Variants in SPATA16 observed in about 807,000 individuals in gnomAD.
SPATA16 encodes spermatogenesis-associated protein 16.
A neutral mutation model predicts 63.3 loss-of-function variants in SPATA16; 36 were observed. The observed-to-expected ratio is 0.57, with a 90% CI of 0.44 to 0.75. The LOEUF (loss-of-function observed/expected upper bound fraction) is 0.75, where lower values mean the gene tolerates loss of function less well. SPATA16 is among the 30% of genes least tolerant of loss of function. The pLI, the probability that SPATA16 is intolerant of heterozygous loss-of-function variation, is 0.00. For synonymous variants in SPATA16, 203 were observed against 216.7 expected (o/e 0.94, Z 0.56); for missense variants, 646 against 679.3 (o/e 0.95, Z 0.54).
At chr3:173,026,470 A>G (rs1735456111) in intron 3 of SPATA16, among the ~76,000 whole-genome samples, 1 of 151,902 alleles carries the variant, frequency 6.6e-6, no homozygotes, top group South Asian at 2.1e-4. Flanking sequence ...TTTCTTTTAT[A>G]GTTTATACCT....
chr3:172,994,873 G>C (rs1274604045), intron 4 of SPATA16, among the ~76,000 whole-genome samples: 1 of 151,992 alleles, frequency 6.6e-6, no homozygotes, highest in Non-Finnish European at 1.5e-5. Flanking sequence ...CTTATGTTAG[G>C]CAGTTAGAAT....
At chr3:173,073,849 C>G (rs1033276186) in intron 2 of SPATA16, among the ~76,000 whole-genome samples, 1 of 152,206 alleles carries the variant, frequency 6.6e-6, no homozygotes, top group African/African-American at 2.4e-5. Flanking sequence ...GGAAAAGCTG[C>G]AGACACTCAA....
At chr3:173,136,018 A>G (rs915113107) in intron 1 of SPATA16, among the ~76,000 whole-genome samples, 8 of 152,240 alleles carry the variant, frequency 5.3e-5, no homozygotes, top group African/African-American at 1.9e-4. Context: ...GTTTTGCCTA[A>G]ACACATGCCC....
chr3:173,125,028 T>A (rs2108343271), intron 1 of SPATA16, among the ~76,000 whole-genome samples: 1 of 152,284 alleles, frequency 6.6e-6, no homozygotes, highest in African/African-American at 2.4e-5. Context: ...ACATTATACA[T>A]CTTAAATTAT....
intron 4 of SPATA16, among the ~76,000 whole-genome samples, chr3:173,008,983 C>T (rs909872109): frequency 6.6e-6 from 1 of 152,134 alleles, no homozygotes. Context: ...AAGTTTTTAG[C>T]AAACTTTAAA....
At chr3:173,068,831 C>G (rs1053710341) in intron 2 of SPATA16, among the ~76,000 whole-genome samples, 1 of 124,002 alleles carries the variant, frequency 8.1e-6, no homozygotes, top group Non-Finnish European at 1.7e-5. Flanking sequence ...AAAAAAAAGG[C>G]CGGGCGTGGT....
intron 3 of SPATA16, among the ~76,000 whole-genome samples, chr3:173,037,278 G>A (rs1385321437): frequency 6.6e-6 from 1 of 151,924 alleles, no homozygotes; most frequent in Non-Finnish European, 1.5e-5. Flanking sequence ...ACTTCTCGAT[G>A]TTATTTTCAC....
intron 6 of SPATA16, among the ~76,000 whole-genome samples, chr3:172,954,449 CA>C (rs1733523800): frequency 6.6e-6 from 1 of 152,126 alleles, no homozygotes; most frequent in Non-Finnish European, 1.5e-5. Context: ...GAGACACAGC[CA>C]AAAGACATCA....
chr3:172,913,725 T>A lies in SPATA16; in HGVS notation c.1523A>T (p.Asp508Val). ...TCTTCCTTCAAGGGTGTCCATAGCA[T>A]CTGCCATTAGTGACTGCAGCTGTGG... is the stretch of plus-strand genomic sequence containing the variant. ...EAELLQSLMA[D>V]AMDTLEGRRN... Residue 508 changes from aspartate to valine, a missense_variant, in exon 10 of 11, where the codon GAT becomes GTT. Transcript: ENST00000351008. 2 of 1,613,788 alleles carry A rather than the reference T, an allele frequency of 1.2e-6. No individual in the cohort carries two copies. The highest frequency in any genetic ancestry group is 2.2e-5 in the East Asian group (1 of 44,858).
Position 172,902,898 on chromosome 3 carries a change from C to T in SPATA16, c.1587+10763G>A, listed in dbSNP as rs538921916. Among the ~76,000 whole-genome samples, 5 of 152,250 alleles carry T rather than the reference C, an allele frequency of 3.3e-5. No homozygotes were observed. In the South Asian group the frequency reaches 8.3e-4, roughly 25 times the overall value. ...ATCATAATCAGAAGGATAAATGATC[C>T]ATGTCTTCCTTTAGAGCTGCATGTA... On this transcript the variant is annotated intron_variant, in intron 10 of 10. Transcript: ENST00000351008.
chr3:172,964,446 G>A (rs1733861539), intron 5 of SPATA16, among the ~76,000 whole-genome samples: 1 of 152,158 alleles, frequency 6.6e-6, no homozygotes, highest in Non-Finnish European at 1.5e-5. Flanking sequence ...TCTTTAGGAT[G>A]CCACAGAGCT....
At chr3:173,031,942 A>G (rs1166892516) in intron 3 of SPATA16, among the ~76,000 whole-genome samples, 14 of 152,146 alleles carry the variant, frequency 9.2e-5, no homozygotes, top group Admixed American at 1.3e-4. Context: ...AAATAAAGGC[A>G]TTGGATTTTG....
In SPATA16 at chr3:172,934,661, C is replaced by T. The variant is rs367685125; in HGVS notation, c.1082-9169G>A. The stretch of plus-strand genomic sequence containing the variant: ...TAATTTAAAAACAAAGAATTATGTA[C>T]AAAATTATTATTACTCATGAATTAT... On this transcript the variant is annotated intron_variant, in intron 6 of 10. Transcript: ENST00000351008. Among the ~76,000 whole-genome samples the T allele has an allele frequency of 8.5e-5, 13 of 152,056 alleles. 2 individuals are homozygous for T. Among genetic ancestry groups the T allele is most frequent in the South Asian group, 2.1e-4 (1 of 4,812 alleles).
chr3:173,008,042 TA>T (rs1734982428), intron 4 of SPATA16, among the ~76,000 whole-genome samples: 1 of 152,186 alleles, frequency 6.6e-6, no homozygotes, highest in Non-Finnish European at 1.5e-5. Flanking sequence ...TATTTAGTGA[TA>T]TTTTTGATTT....
intron 6 of SPATA16, among the ~76,000 whole-genome samples, chr3:172,940,387 G>A (rs970119361): frequency 6.6e-6 from 1 of 152,166 alleles, no homozygotes; most frequent in African/African-American, 2.4e-5. Flanking sequence ...ACATCCAGTT[G>A]GTTTTGGAGA....
At chr3:173,100,961 C>T (rs540097834) in intron 2 of SPATA16, among the ~76,000 whole-genome samples, 1 of 152,250 alleles carries the variant, frequency 6.6e-6, no homozygotes, top group African/African-American at 2.4e-5. Context: ...AGCAATTTAT[C>T]TTCATAGCAG....
chr3:172,890,437 TA>T (rs1171774117), intron 10 of SPATA16, among the ~76,000 whole-genome samples: 1 of 152,168 alleles, frequency 6.6e-6, no homozygotes, highest in Non-Finnish European at 1.5e-5. Flanking sequence ...GATTCATACT[TA>T]ACCCTGACTC....
Position 173,027,921 on chromosome 3 carries a change from C to G in SPATA16, c.759-8346G>C, listed in dbSNP as rs1447289956. On this transcript the variant is annotated intron_variant, in intron 3 of 10. Transcript: ENST00000351008. ...ATATCTGCTATCACTACCCCAGGTA[C>G]TTTAGACTTTAGCTTTATATGAGAC... 2.7e-5 allele frequency among the ~76,000 whole-genome samples: 4 copies of G among 149,938 alleles called. No individual in the cohort carries two copies. In the Admixed American group the frequency reaches 2.7e-4, roughly 10 times the overall value.
intron 6 of SPATA16, among the ~76,000 whole-genome samples, chr3:172,945,136 GGTAATTATGTAGGT>G (rs1560074876): frequency 6.6e-6 from 1 of 151,970 alleles, no homozygotes; most frequent in Non-Finnish European, 1.5e-5. Flanking sequence ...CAAATAAGAT[GGTAATTATGTAGGT>G]GTTCATTATT....
Sources: gnomAD v4.1 joint callset for allele counts (sites outside exome capture counted in the v4.1 genomes callset) on GRCh38, gnomAD v4.1.1 for gene constraint, MANE v1.5 for transcripts, NCBI Gene and HGNC (gene_info 2026-07-23, HGNC 2026-07-21) for gene names.